ATP6V0E1: variants seen among roughly 807,000 people sequenced by gnomAD.
The protein encoded by ATP6V0E1 is ATPase H+ transporting V0 subunit e1, also known as V-type proton ATPase subunit e 1.
ATP6V0E1 carries 4 observed loss-of-function variants against 11.6 expected under a neutral mutation model. The observed-to-expected ratio is 0.35, with a 90% CI of 0.17 to 0.79. The LOEUF (loss-of-function observed/expected upper bound fraction) is 0.79, where lower values mean the gene tolerates loss of function less well. ATP6V0E1 is among the 30% of genes least tolerant of loss of function. The pLI is 0.54. For missense variants in ATP6V0E1, 105 were observed against 100.0 expected, an observed-to-expected ratio of 1.05 and a Z score of -0.21; for synonymous variants, 36 against 34.8, an observed-to-expected ratio of 1.04 and a Z score of -0.13.
intron 3 of ATP6V0E1, among the ~76,000 whole-genome samples, chr5:173,023,206 CATTT>C (rs1756510235): frequency 1.0e-4 from 1 of 9,884 alleles, no homozygotes; most frequent in African/African-American, 2.6e-3. Flanking sequence ...TTTATTTATT[CATTT>C]TGAGACAGAG....
chr5:173,005,378 G>T (rs1756214192), intron 2 of ATP6V0E1, among the ~76,000 whole-genome samples: 1 of 152,034 alleles, frequency 6.6e-6, no homozygotes. Flanking sequence ...TTGGATTTTT[G>T]GGGTTTTCGT....
intron 3 of ATP6V0E1, among the ~76,000 whole-genome samples, chr5:173,032,238 C>CTTTTATTTTATTTTA (rs1384266139): frequency 4.1e-5 from 5 of 122,808 alleles, no homozygotes; most frequent in African/African-American, 1.3e-4. Flanking sequence ...TGCACATTTA[C>CTTTTATTTTATTTTA]TTTTATTTTA....
chr5:172,985,597 A>G (rs144613801), intron 1 of ATP6V0E1, among the ~76,000 whole-genome samples: 1 of 152,166 alleles, frequency 6.6e-6, no homozygotes, highest in Admixed American at 6.5e-5. Flanking sequence ...CAACTGTTTC[A>G]TTACCCTACT....
chr5:173,010,016 C>A (rs1438780208), intron 2 of ATP6V0E1, among the ~76,000 whole-genome samples: 2 of 152,148 alleles, frequency 1.3e-5, no homozygotes, highest in Non-Finnish European at 2.9e-5. Context: ...CCTGCCTTGG[C>A]CTCCCAAAGT....
intron 3 of ATP6V0E1, among the ~76,000 whole-genome samples, chr5:173,023,446 T>A (rs1756513927): frequency 6.6e-6 from 1 of 152,260 alleles, no homozygotes; most frequent in African/African-American, 2.4e-5. Context: ...TCCACCCGCC[T>A]AGGCCTCCCA....
chr5:173,004,478 C>G (rs1034564262), intron 2 of ATP6V0E1, among the ~76,000 whole-genome samples: 5 of 151,968 alleles, frequency 3.3e-5, no homozygotes, highest in African/African-American at 9.7e-5. Flanking sequence ...GGTACGTGAA[C>G]AAGTAGCAGA....
intron 2 of ATP6V0E1, among the ~76,000 whole-genome samples, chr5:173,001,596 A>G (rs1756154128): frequency 6.6e-6 from 1 of 152,156 alleles, no homozygotes; most frequent in African/African-American, 2.4e-5. Context: ...TTTGGTTTCC[A>G]ACCAAGTAAC....
intron 2 of ATP6V0E1, among the ~76,000 whole-genome samples, chr5:173,016,985 C>A (rs1194621419): frequency 6.6e-6 from 1 of 152,160 alleles, no homozygotes; most frequent in Non-Finnish European, 1.5e-5. Flanking sequence ...GTCACAAAAT[C>A]ACCTTTTGTT....
chr5:173,009,134 A>G (rs1756276302), intron 2 of ATP6V0E1, among the ~76,000 whole-genome samples: 1 of 151,646 alleles, frequency 6.6e-6, no homozygotes, highest in Non-Finnish European at 1.5e-5. Context: ...GCTGAGGCAC[A>G]AGGATCGCTT....
At chr5:173,025,921 C>T (rs997583939) in intron 3 of ATP6V0E1, among the ~76,000 whole-genome samples, 5 of 152,000 alleles carry the variant, frequency 3.3e-5, no homozygotes, top group African/African-American at 7.2e-5. Flanking sequence ...CTGTTTGGTG[C>T]GGTGAGGCAG....
chr5:173,012,123 C>A (rs1417927703), intron 2 of ATP6V0E1, among the ~76,000 whole-genome samples: 1 of 151,196 alleles, frequency 6.6e-6, no homozygotes, highest in Non-Finnish European at 1.5e-5. Flanking sequence ...CCTCTGCCTC[C>A]CAGGTTCAAG....
intron 2 of ATP6V0E1, among the ~76,000 whole-genome samples, chr5:172,995,399 G>C (rs1756049877): frequency 6.6e-6 from 1 of 152,178 alleles, no homozygotes; most frequent in South Asian, 2.1e-4. Flanking sequence ...ACTGTGCCCG[G>C]TATACTATTG....
chr5:173,013,574 C>CAAAAAAAAAAAAA, intron 2 of ATP6V0E1, among the ~76,000 whole-genome samples: 1 of 61,638 alleles, frequency 1.6e-5, no homozygotes, highest in Non-Finnish European at 3.7e-5. Context: ...GACTCCATCT[C>CAAAAAAAAAAAAA]AAAAAAAAAA....
intron 2 of ATP6V0E1, among the ~76,000 whole-genome samples, chr5:173,011,657 T>C (rs1237916326): frequency 6.6e-6 from 1 of 152,192 alleles, no homozygotes; most frequent in African/African-American, 2.4e-5. Flanking sequence ...CTCAGATCCA[T>C]TCCGGCTCTG....
chr5:172,997,465 TA>T (rs1375201017), intron 2 of ATP6V0E1, among the ~76,000 whole-genome samples: 1 of 152,154 alleles, frequency 6.6e-6, no homozygotes, highest in African/African-American at 2.4e-5. Flanking sequence ...TCTTCTTCTT[TA>T]AAAATCTGTT....
chr5:173,031,419 CTT>C (rs564495625), intron 3 of ATP6V0E1, among the ~76,000 whole-genome samples: 17 of 129,050 alleles, frequency 1.3e-4, no homozygotes, highest in East Asian at 2.2e-4. Flanking sequence ...CCTTATGACT[CTT>C]TTTTTTTTTT....
At chr5:172,989,670 G>T (rs753595792) in intron 1 of ATP6V0E1, among the ~76,000 whole-genome samples, 44 of 152,132 alleles carry the variant, frequency 2.9e-4, no homozygotes, top group Admixed American at 5.9e-4. Flanking sequence ...GGGATTACAG[G>T]CATGGGCCAC....
At chr5:173,014,022 G>T (rs1376098947) in intron 2 of ATP6V0E1, among the ~76,000 whole-genome samples, 1 of 151,954 alleles carries the variant, frequency 6.6e-6, no homozygotes, top group Non-Finnish European at 1.5e-5. Context: ...AAATTAGCTG[G>T]GTGTGGTGGT....
Position 172,983,903 on chromosome 5 carries a change from G to A in ATP6V0E1, c.43G>A (p.Val15Met). The A allele has an allele frequency of 6.2e-7, 1 of 1,613,610 alleles. No homozygotes were observed. The highest frequency in any genetic ancestry group is 8.5e-7 in the Non-Finnish European group (1 of 1,179,830). ...CACTGTGCCTCTCATTGTGATGAGC[G>A]TGTTCTGGGGCTTCGTCGGCTTCTT... ...GLTVPLIVMS[V>M]FWGFVGFLVP... is the part of the protein sequence containing the mutation. Residue 15 changes from valine (V) to methionine (M), a missense_variant, in exon 1 of 4, where the codon GTG becomes ATG. Val to Met is a conservative substitution (Grantham distance 21). Transcript: ENST00000519374.
Sources: gnomAD v4.1 joint callset for allele counts (sites outside exome capture counted in the v4.1 genomes callset) on GRCh38, gnomAD v4.1.1 for gene constraint, MANE v1.5 for transcripts, NCBI Gene and HGNC (gene_info 2026-07-23, HGNC 2026-07-21) for gene names.